The following QSER1 variants were observed in gnomAD, a reference collection of about 807,000 sequenced individuals.
QSER1 encodes glutamine and serine rich 1, also known as glutamine and serine-rich protein 1.
A neutral mutation model predicts 158.5 loss-of-function variants in QSER1; 49 were observed. That is an observed-to-expected ratio of 0.31 (90% CI 0.25 to 0.39). The LOEUF (loss-of-function observed/expected upper bound fraction) is 0.39, where lower values mean the gene tolerates loss of function less well. QSER1 is among the 10% of genes least tolerant of loss of function. The pLI is 1.00. For synonymous variants in QSER1, 650 were observed against 715.5 expected (o/e 0.91, Z 1.46); for missense variants, 1,754 against 2,010.3 (o/e 0.87, Z 2.44).
At chr11:32,938,198 C>G (rs1007493103) in intron 4 of QSER1, among the ~76,000 whole-genome samples, 8 of 152,278 alleles carry the variant, frequency 5.3e-5, no homozygotes, top group East Asian at 1.9e-4. Context: ...CATGGTGATA[C>G]AGTCAGTATA....
In QSER1 at chr11:32,933,281, G is replaced by A. The variant is rs776738702; in HGVS notation, c.2023G>A (p.Ala675Thr). ...AACTTCCCCTGACCCAAAGTCTTAT[G>A]CTGAAAGAAAGCTTGACTCAGATGT... ...NITSPDPKSY[A>T]ERKLDSDVYP... Residue 675 changes from alanine to threonine, a missense_variant, in exon 4 of 13, where the codon GCT (alanine) becomes ACT (threonine). Coordinates refer to ENST00000650167, the MANE Select transcript of QSER1 (RefSeq NM_001076786.3). 27 of 1,610,782 alleles carry A rather than the reference G, an allele frequency of 1.7e-5. No individual in the cohort carries two copies. Among genetic ancestry groups the A allele is most frequent in the Non-Finnish European group, 2.0e-5 (24 of 1,179,154 alleles).
At chr11:32,907,899 A>C (rs1411896082) in intron 1 of QSER1, among the ~76,000 whole-genome samples, 1 of 152,210 alleles carries the variant, frequency 6.6e-6, no homozygotes, top group East Asian at 1.9e-4. Flanking sequence ...CAGTAGTATG[A>C]GACCAGCTTG....
chr11:32,905,607 A>G (rs1424057468), intron 1 of QSER1, among the ~76,000 whole-genome samples: 1 of 152,222 alleles, frequency 6.6e-6, no homozygotes, highest in Non-Finnish European at 1.5e-5. Context: ...ATTTGTTAAT[A>G]CCTTTGTATT....
chr11:32,935,285 G>A lies in QSER1; in HGVS notation c.4027G>A (p.Asp1343Asn). 1 of 1,613,824 alleles carries A rather than the reference G, an allele frequency of 6.2e-7. No homozygotes were observed. Among genetic ancestry groups the A allele is most frequent in the Middle Eastern group, 1.7e-4 (1 of 6,060 alleles). ...VSETGGNSPS[D>N]KVDNELKNLE... Reference sequence around the variant, plus strand: ...TGAAACTGGCGGTAACAGTCCATCAGATAAAGTTGATAATGAACTTAAAAA... The same window carrying A: ...TGAAACTGGCGGTAACAGTCCATCAAATAAAGTTGATAATGAACTTAAAAA... The change falls in exon 4 of 13, where the codon GAT becomes AAT. Residue 1343 changes from aspartate (D) to asparagine (N), a missense_variant. Physicochemically the swap from Asp to Asn is conservative, Grantham distance 23 (BLOSUM62 1). This residue lies in a region of QSER1 where 1,707 missense variants were observed against 1,919.6 expected (regional missense o/e 0.89). Transcript: ENST00000650167.
chr11:32,917,510 A>T (rs1210287663), intron 1 of QSER1, among the ~76,000 whole-genome samples: 1 of 152,098 alleles, frequency 6.6e-6, no homozygotes, highest in Non-Finnish European at 1.5e-5. Context: ...TCTTTATCCC[A>T]TTGAACACAA....
Position 32,933,979 on chromosome 11 carries a change from T to A in QSER1, c.2721T>A (p.Asn907Lys), listed in dbSNP as rs778553214. 5.6e-6 allele frequency: 9 copies of A among 1,613,802 alleles called. No homozygotes were observed. In the African/African-American group the frequency reaches 1.2e-4, roughly 22 times the overall value. The change falls in exon 4 of 13, where the codon AAT becomes AAA. Residue 907 changes from asparagine (N) to lysine (K), a missense_variant. Around this residue, in one of 2 missense-constraint regions of QSER1, gnomAD observed 1,707 missense variants for 1,919.6 expected, o/e 0.89. Coordinates refer to ENST00000650167, the MANE Select transcript of QSER1 (RefSeq NM_001076786.3). Reference protein sequence around the residue: ...LQMEGHVIQSNGDHSQQQLHP... With the variant: ...LQMEGHVIQSKGDHSQQQLHP... ...TGGAAGGTCATGTTATTCAAAGCAA[T>A]GGTGATCATTCTCAGCAGCAACTCC...
intron 1 of QSER1, among the ~76,000 whole-genome samples, chr11:32,918,534 C>T (rs1214417210): frequency 1.3e-5 from 2 of 151,046 alleles, no homozygotes; most frequent in African/African-American, 2.4e-5. Context: ...GAGCTAAAAT[C>T]AGAGGTGTAA....
At position 32,932,686 on chromosome 11, in the gene QSER1, A is replaced by G; in HGVS notation, c.1428A>G (p.Val476=). Residue 476 remains valine, a synonymous_variant, in exon 4 of 13, where the codon GTA becomes GTG. Transcript: ENST00000650167. ...SVSQSQNYGL[V]QPHNVPSIVH... ...GTCAGTCCCAAAATTACGGTTTAGT[A>G]CAGCCACATAATGTGCCATCTATTG... 1.2e-6 allele frequency: 2 copies of G among 1,614,212 alleles called. No homozygotes were observed. Among genetic ancestry groups the G allele is most frequent in the South Asian group, 2.2e-5 (2 of 91,088 alleles).
At chr11:32,914,994 A>G (rs1851814260) in intron 1 of QSER1, among the ~76,000 whole-genome samples, 1 of 152,106 alleles carries the variant, frequency 6.6e-6, no homozygotes, top group Non-Finnish European at 1.5e-5. Flanking sequence ...ATCATGGCTC[A>G]CTGTAGCCTT....
chr11:32,976,576 C>A lies in QSER1; in HGVS notation c.*102C>A. ...CAAGTAGTGGCCTTCTGCAGGCCGG[C>A]CGCTTCCATCATGGAACTGTCATTA... On this transcript the variant is annotated 3_prime_UTR_variant, in exon 13 of 13. Transcript: ENST00000650167. The A allele has an allele frequency of 7.8e-7, 1 of 1,274,486 alleles. No homozygotes were observed. Among genetic ancestry groups the A allele is most frequent in the Non-Finnish European group, 1.1e-6 (1 of 898,506 alleles). The allele number at this position is 1,274,486 out of a possible 1,614,324, so 78.9% of individuals were successfully genotyped here.
rs1853032086 is a variant in QSER1 at position 32,979,257 on chromosome 11, T to G, written c.*2783T>G. 6.6e-6 allele frequency: 1 copy of G among 152,602 alleles called. No individual in the cohort carries two copies. 9.5% of individuals were successfully genotyped at this position (152,602 alleles called of 1,614,324 possible). On this transcript the variant is annotated 3_prime_UTR_variant, in exon 13 of 13. Transcript: ENST00000650167. ...TATACTATAGAAATAACTTTAGGTT[T>G]TAGGTAGAGTTAAAGAGGTAAAGCA...
At chr11:32,905,210 T>C (rs1342777609) in intron 1 of QSER1, among the ~76,000 whole-genome samples, 1 of 152,260 alleles carries the variant, frequency 6.6e-6, no homozygotes, top group Non-Finnish European at 1.5e-5. Flanking sequence ...TTCTCATTAC[T>C]GTGTGATCAC....
At chr11:32,897,347 G>A (rs1755993109) in intron 1 of QSER1, among the ~76,000 whole-genome samples, 1 of 152,202 alleles carries the variant, frequency 6.6e-6, no homozygotes, top group Admixed American at 6.5e-5. Context: ...TTTATTGTAA[G>A]ATAGTGGAAT....
At position 32,933,765 on chromosome 11, in the gene QSER1, T is replaced by G; in HGVS notation, c.2507T>G (p.Ile836Ser). 6.2e-7 allele frequency: 1 copy of G among 1,613,988 alleles called. No individual in the cohort carries two copies. Among genetic ancestry groups the G allele is most frequent in the South Asian group, 1.1e-5 (1 of 91,082 alleles). ...QIINASSQIQ[I>S]PNHALGHGHQ... ...ATTAATGCTTCATCTCAGATTCAAATTCCAAATCATGCTTTAGGGCATGGC... is the reference window on the plus strand; with the variant it reads ...ATTAATGCTTCATCTCAGATTCAAAGTCCAAATCATGCTTTAGGGCATGGC... Residue 836 changes from isoleucine to serine, a missense_variant, in exon 4 of 13, where the codon ATT becomes AGT. By Grantham distance (142) the Ile-to-Ser change is moderately radical (BLOSUM62 -2). Coordinates refer to ENST00000650167, the MANE Select transcript of QSER1 (RefSeq NM_001076786.3).
chr11:32,970,946 C>CTTTTTT lies in QSER1; in HGVS notation c.5205+1822_5205+1827dup, dbSNP rs776051259. Among the ~76,000 whole-genome samples the CTTTTTT allele has an allele frequency of 9.6e-4, 74 of 76,894 alleles. 1 individual carries two copies. Among genetic ancestry groups the CTTTTTT allele is most frequent in the East Asian group, 1.7e-3 (4 of 2,338 alleles). The allele number at this position is 76,894 out of a possible 152,430, so 50.4% of individuals were successfully genotyped here. On this transcript the variant is annotated intron_variant, in intron 10 of 12. Coordinates refer to ENST00000650167, the MANE Select transcript of QSER1 (RefSeq NM_001076786.3). Reference sequence around the variant, plus strand: ...GATAATTGTCATATAAAGCAATTTGCTTTTTTTTTTTTTTTTTTTTTTTTG... The same window carrying CTTTTTT: ...GATAATTGTCATATAAAGCAATTTGCTTTTTTTTTTTTTTTTTTTTTTTTTTTTTTG...
chr11:32,949,975 T>C (rs1852395398), intron 4 of QSER1, among the ~76,000 whole-genome samples: 1 of 152,178 alleles, frequency 6.6e-6, no homozygotes, highest in Non-Finnish European at 1.5e-5. Flanking sequence ...TCTCAGCTCC[T>C]CCACCACTCT....
rs144454822 is a variant in QSER1, at chr11:32,935,962, T to G, written c.4177+527T>G. 2.2e-3 allele frequency among the ~76,000 whole-genome samples: 340 copies of G among 152,342 alleles called. 3 individuals are homozygous for G. Among genetic ancestry groups the G allele is most frequent in the East Asian group, 0.017 (86 of 5,194 alleles). On this transcript the variant is annotated intron_variant, in intron 4 of 12. Coordinates refer to ENST00000650167, the MANE Select transcript of QSER1 (RefSeq NM_001076786.3). ...ATAATTAAGATAAAACTTAAAAATT[T>G]TATGCTGGCTTCAGATTATATACCC...
chr11:32,910,705 A>G (rs1009881905), intron 1 of QSER1, among the ~76,000 whole-genome samples: 3 of 152,246 alleles, frequency 2.0e-5, no homozygotes, highest in South Asian at 2.1e-4. Flanking sequence ...TACACTGCCA[A>G]TATAATGAGA....
At position 32,951,738 on chromosome 11, in the gene QSER1, T is replaced by C. The variant is rs151013722; in HGVS notation, c.4178-2119T>C. Among the ~76,000 whole-genome samples, 504 of 152,296 alleles carry C rather than the reference T, an allele frequency of 3.3e-3. 3 individuals are homozygous for C. Among genetic ancestry groups the C allele is most frequent in the Admixed American group, 9.7e-3 (148 of 15,298 alleles). On this transcript the variant is annotated intron_variant, in intron 4 of 12. Coordinates refer to ENST00000650167, the MANE Select transcript of QSER1 (RefSeq NM_001076786.3). ...TATTTTTTGGGTTGTTCACTGCAAA[T>C]GTATAGAAATACATGTGATTTTTAT...
Sources: gnomAD v4.1 joint callset for allele counts (sites outside exome capture counted in the v4.1 genomes callset) on GRCh38, gnomAD v4.1.1 for gene constraint, gnomAD v4.1.1 regional missense constraint, MANE v1.5 for transcripts, NCBI Gene and HGNC (gene_info 2026-07-23, HGNC 2026-07-21) for gene names.